The following SQOR variants were observed in gnomAD, a reference collection of about 807,000 sequenced individuals.
SQOR encodes sulfide quinone oxidoreductase.
In SQOR, 39 loss-of-function variants were observed where a neutral mutation model predicts 48.6. The observed-to-expected ratio is 0.80, with a 90% CI of 0.62 to 1.05. SQOR has a LOEUF of 1.05. SQOR is among the 50% of genes least tolerant of loss of function. The pLI, the probability that SQOR is intolerant of heterozygous loss-of-function variation, is 0.00. For synonymous variants in SQOR, 220 were observed against 206.2 expected (o/e 1.07, Z -0.57); for missense variants, 561 against 559.9 (o/e 1.00, Z -0.02).
chr15:45,632,242 T>G (rs1427460610), upstream of SQOR, among the ~76,000 whole-genome samples: 1 of 142,900 alleles, frequency 7.0e-6, no homozygotes, highest in African/African-American at 2.6e-5. Flanking sequence ...CCTTTTTTGA[T>G]GGAGTCTCGC....
upstream of SQOR, among the ~76,000 whole-genome samples, chr15:45,633,577 C>T (rs1894937457): frequency 6.6e-6 from 1 of 151,506 alleles, no homozygotes; most frequent in South Asian, 2.1e-4. Flanking sequence ...GCCTGTAGTC[C>T]CAGCTACTCG....
At chr15:45,690,861 G>C in intron 9 of SQOR, 112 bp from the exon 10 acceptor site, 1 of 885,246 alleles carries the variant, frequency 1.1e-6, no homozygotes, top group Admixed American at 1.7e-5. Flanking sequence ...CTTGCTTTAC[G>C]TGCTGATGAA....
intron 1 of SQOR, among the ~76,000 whole-genome samples, chr15:45,635,684 T>TCCTGGC (rs1162762186): frequency 2.0e-5 from 3 of 152,218 alleles, no homozygotes; most frequent in Non-Finnish European, 4.4e-5. Flanking sequence ...TCTGTCTCTT[T>TCCTGGC]TATTTATCAA....
chr15:45,646,814 C>G (rs1301569747), intron 1 of SQOR, among the ~76,000 whole-genome samples: 1 of 152,014 alleles, frequency 6.6e-6, no homozygotes, highest in East Asian at 1.9e-4. Context: ...ACACCCCTAC[C>G]CACTTACACC....
At chr15:45,667,722 T>C (rs1455493515) in intron 3 of SQOR, among the ~76,000 whole-genome samples, 1 of 152,100 alleles carries the variant, frequency 6.6e-6, no homozygotes, top group Admixed American at 6.5e-5. Context: ...ATTATTTGCA[T>C]CATGTTTGGT....
rs183149997 is a variant in SQOR at position 45,649,967 on chromosome 15, C to G, written c.-17-8940C>G. ...AAGTGGGGGTCCTGCCTCAGGCTCC[C>G]AAGTACCTGGGATTACAGTTATGTG... On this transcript the variant is annotated intron_variant, in intron 1 of 9. Transcript: ENST00000260324. Among the ~76,000 whole-genome samples the G allele has an allele frequency of 2.6e-5, 4 of 151,982 alleles. No individual in the cohort carries two copies. In the East Asian group the frequency reaches 5.8e-4, roughly 22 times the overall value.
chr15:45,674,002 G>T, intron 5 of SQOR: 1 of 589,732 alleles, frequency 1.7e-6, no homozygotes, highest in Non-Finnish European at 2.9e-6. Context: ...TAATAAAGCT[G>T]CAGTTTTCAA....
chr15:45,689,980 C>T (rs1890292576), intron 9 of SQOR, among the ~76,000 whole-genome samples: 1 of 152,012 alleles, frequency 6.6e-6, no homozygotes, highest in Non-Finnish European at 1.5e-5. Context: ...CATTGCCTAC[C>T]TCACAAGATG....
chr15:45,657,251 C>T (rs1191168451), intron 1 of SQOR, among the ~76,000 whole-genome samples: 6 of 137,628 alleles, frequency 4.4e-5, no homozygotes, highest in Admixed American at 1.6e-4. Context: ...TTCCCTGGCC[C>T]GTGTGGAGCC....
chr15:45,635,178 C>T (rs1337716414), intron 1 of SQOR, 70 bp downstream of exon 1: 1 of 152,386 alleles, frequency 6.6e-6, no homozygotes, highest in Non-Finnish European at 1.5e-5. Context: ...ACAGCGACCA[C>T]CACTGAGGCT....
Position 45,669,965 on chromosome 15 carries a change from A to AATATTAAT in SQOR, c.443_444insATATTAAT (p.Leu149TyrfsTer2). ...TATCTTATTATTGCTCTCGGAATCC[A>AATATTAAT]GCTGGACTATGAGAAGGTACCGTGT... On this transcript the variant is annotated stop_gained and frameshift_variant, in exon 4 of 10. Coordinates refer to ENST00000260324, the MANE Select transcript of SQOR (RefSeq NM_021199.4). LOFTEE classifies it high-confidence loss of function. 6.2e-7 allele frequency: 1 copy of AATATTAAT among 1,614,134 alleles called. No individual in the cohort carries two copies. Among genetic ancestry groups the AATATTAAT allele is most frequent in the Non-Finnish European group, 8.5e-7 (1 of 1,180,000 alleles).
intron 1 of SQOR, among the ~76,000 whole-genome samples, chr15:45,644,235 C>G (rs1480699843): frequency 1.3e-5 from 2 of 152,018 alleles, no homozygotes; most frequent in South Asian, 2.1e-4. Flanking sequence ...TTACAGGCAC[C>G]CGCCATCATG....
At chr15:45,656,883 C>T (rs1317452363) in intron 1 of SQOR, among the ~76,000 whole-genome samples, 3 of 149,026 alleles carry the variant, frequency 2.0e-5, no homozygotes, top group Admixed American at 1.4e-4. Flanking sequence ...CAGCTTACTG[C>T]AACCTCTGCC....
intron 6 of SQOR, among the ~76,000 whole-genome samples, chr15:45,682,140 C>T (rs916890408): frequency 1.2e-4 from 19 of 152,148 alleles, no homozygotes; most frequent in African/African-American, 4.3e-4. Context: ...AATATACCAC[C>T]CCCTTATTTT....
intron 3 of SQOR, among the ~76,000 whole-genome samples, chr15:45,668,704 G>C (rs917154470): frequency 1.3e-5 from 2 of 152,152 alleles, no homozygotes; most frequent in African/African-American, 4.8e-5. Flanking sequence ...CGATTCGCTC[G>C]GGTTGCTTGC....
intron 1 of SQOR, among the ~76,000 whole-genome samples, chr15:45,647,328 C>CTTTTT (rs532535956): frequency 5.7e-5 from 8 of 140,554 alleles, no homozygotes; most frequent in African/African-American, 1.6e-4. Flanking sequence ...GCTACTTTAA[C>CTTTTT]TTTTTTTTTT....
chr15:45,664,040 A>G (rs1441169918), intron 3 of SQOR, among the ~76,000 whole-genome samples: 2 of 152,190 alleles, frequency 1.3e-5, no homozygotes, highest in Non-Finnish European at 2.9e-5. Flanking sequence ...TGTGATGGTT[A>G]TTCATGAAAA....
intron 9 of SQOR, 200 bp downstream of exon 9, chr15:45,689,417 C>CTTTTTT: frequency 3.9e-6 from 1 of 254,854 alleles, no homozygotes; most frequent in Non-Finnish European, 7.3e-6. Context: ...TGCTACCTTA[C>CTTTTTT]TTTTTTTTTT....
chr15:45,634,183 AAAC>A (rs201791511), upstream of SQOR, among the ~76,000 whole-genome samples: 1,617 of 47,696 alleles, frequency 0.034, 61 homozygotes, highest in Non-Finnish European at 0.055. Context: ...CTGTTTCAAA[AAAC>A]AACAACAACA....
Sources: allele counts gnomAD v4.1 joint callset (sites outside exome capture counted in the v4.1 genomes callset), GRCh38; gene constraint gnomAD v4.1.1; transcripts MANE v1.5; gene names NCBI Gene and HGNC (gene_info 2026-07-23, HGNC 2026-07-21).